Variants in NRXN3 observed in about 807,000 individuals in gnomAD.
NRXN3 encodes the protein neurexin 3.
A neutral mutation model predicts 137.6 loss-of-function variants in NRXN3; 32 were observed. The ratio of observed to expected loss-of-function variants is 0.23; its 90% CI spans 0.18 to 0.31. The LOEUF is 0.31. NRXN3 is among the 10% of genes least tolerant of loss of function. The probability of loss-of-function intolerance (pLI) is 1.00; values close to 1 mark genes in which losing one functional copy is unlikely to be tolerated. For synonymous variants in NRXN3, 798 were observed against 784.5 expected (o/e 1.02, Z -0.29); for missense variants, 1,574 against 2,062.5 (o/e 0.76, Z 4.59).
intron 16 of NRXN3, among the ~76,000 whole-genome samples, chr14:79,472,004 C>T (rs1379036793): frequency 6.6e-6 from 1 of 152,128 alleles, no homozygotes; most frequent in Non-Finnish European, 1.5e-5. Flanking sequence ...ACCCTCCACC[C>T]TCCCAAAGGC....
At chr14:79,731,636 CTTCCTTCTT>C (rs1433045349) in intron 19 of NRXN3, among the ~76,000 whole-genome samples, 1 of 146,014 alleles carries the variant, frequency 6.8e-6, no homozygotes, top group Non-Finnish European at 1.5e-5. Flanking sequence ...TATTTTTTCC[CTTCCTTCTT>C]TTTTTTTTTT....
intron 15 of NRXN3, among the ~76,000 whole-genome samples, chr14:79,058,154 A>T (rs940593177): frequency 3.9e-5 from 6 of 152,178 alleles, no homozygotes; most frequent in East Asian, 1.9e-4. Flanking sequence ...GGAAAAAAAA[A>T]GTTTGGAGGA....
At chr14:79,365,740 A>AG (rs1235922090) in intron 15 of NRXN3, among the ~76,000 whole-genome samples, 2 of 143,942 alleles carry the variant, frequency 1.4e-5, no homozygotes, top group Admixed American at 7.0e-5. Flanking sequence ...AAAAAAAAAA[A>AG]AAAAGAAAAA....
At chr14:79,777,932 A>T (rs1251846249) in intron 19 of NRXN3, among the ~76,000 whole-genome samples, 3 of 144,034 alleles carry the variant, frequency 2.1e-5, no homozygotes, top group Non-Finnish European at 4.6e-5. Flanking sequence ...GATTTTACAG[A>T]AAAAAAAAAA....
chr14:79,573,735 A>G (rs1055836559), intron 16 of NRXN3, among the ~76,000 whole-genome samples: 4 of 151,910 alleles, frequency 2.6e-5, no homozygotes, highest in African/African-American at 9.7e-5. Context: ...ATAATAATGA[A>G]GTTGTCTTGG....
At position 78,332,654 on chromosome 14, in the gene NRXN3, A is replaced by G. The variant is rs1425321485; in HGVS notation, c.757+34794A>G. 2.6e-5 allele frequency among the ~76,000 whole-genome samples: 4 copies of G among 152,064 alleles called. No homozygotes were observed. In the South Asian group the frequency reaches 6.2e-4, roughly 24 times the overall value. On this transcript the variant is annotated intron_variant, in intron 4 of 20. Coordinates refer to ENST00000335750, the MANE Select transcript of NRXN3 (RefSeq NM_001330195.2). The stretch of plus-strand genomic sequence containing the variant: ...TAGAGCTGTCACACTGCCCCCTTCC[A>G]TGGAACTGGCTGATAAAGGCTTTAA...
chr14:79,663,962 C>T lies in NRXN3; in HGVS notation c.3616+13C>T, dbSNP rs371531864. ...CATTATCCTACAGGTACATGTTGTT[C>T]GCTCAATGGTCCTACTCTTTTTGAC... On this transcript the variant is annotated intron_variant, in intron 17 of 20. Transcript: ENST00000335750. The T allele has an allele frequency of 3.9e-5, 63 of 1,612,594 alleles. No individual in the cohort carries two copies. The African/African-American group carries it at 5.3e-4, about 14-fold the overall frequency.
chr14:78,894,763 T>G lies in NRXN3; in HGVS notation c.2276-62479T>G, dbSNP rs561583361. ...AGACTTGAAAGTTGAAATTATTCCT[T>G]GATTCATGGGCTAGAGAATGGATGT... On this transcript the variant is annotated intron_variant, in intron 10 of 20. Transcript: ENST00000335750. 8.6e-5 allele frequency among the ~76,000 whole-genome samples: 13 copies of G among 151,936 alleles called. No individual in the cohort carries two copies. The East Asian group carries it at 2.5e-3, about 30-fold the overall frequency.
chr14:78,549,806 T>G (rs1205492051), intron 4 of NRXN3, among the ~76,000 whole-genome samples: 1 of 152,206 alleles, frequency 6.6e-6, no homozygotes, highest in Non-Finnish European at 1.5e-5. Context: ...TATGCATTCA[T>G]AGTGCATTCA....
chr14:78,651,086 A>AG, intron 5 of NRXN3, 79 bp from the exon 6 acceptor site: 1 of 1,302,572 alleles, frequency 7.7e-7, no homozygotes, highest in Non-Finnish European at 1.1e-6. Context: ...TGATGCCACA[A>AG]GTAGGGGAAG....
intron 19 of NRXN3, chr14:79,760,669 T>C (rs1206465931): frequency 6.6e-6 from 1 of 151,648 alleles, no homozygotes; most frequent in Non-Finnish European, 1.5e-5. Flanking sequence ...TGCTCAGTTC[T>C]CTTTTGTTGG....
At chr14:79,604,528 C>CCTGG (rs2097974786) in intron 16 of NRXN3, among the ~76,000 whole-genome samples, 3 of 124,582 alleles carry the variant, frequency 2.4e-5, no homozygotes, top group South Asian at 5.4e-4. Context: ...AGCCACTGCT[C>CCTGG]CCGGACTTTT....
intron 4 of NRXN3, among the ~76,000 whole-genome samples, chr14:78,583,090 A>C (rs1032883105): frequency 6.6e-6 from 1 of 152,158 alleles, no homozygotes; most frequent in Non-Finnish European, 1.5e-5. Context: ...TCACACAGGC[A>C]ATGTACTTTC....
intron 19 of NRXN3, among the ~76,000 whole-genome samples, chr14:79,799,873 G>A (rs529909067): frequency 3.7e-4 from 57 of 152,288 alleles, no homozygotes; most frequent in Admixed American, 9.2e-4. Flanking sequence ...AATTCCCAGA[G>A]CAGAGGAACT....
intron 15 of NRXN3, among the ~76,000 whole-genome samples, chr14:79,195,111 C>G (rs1046801445): frequency 2.6e-5 from 4 of 152,098 alleles, no homozygotes; most frequent in African/African-American, 9.7e-5. Context: ...AATGATGTCT[C>G]TTGTCCTGTA....
intron 17 of NRXN3, among the ~76,000 whole-genome samples, chr14:79,672,229 G>T (rs1161009289): frequency 1.3e-5 from 2 of 151,862 alleles, no homozygotes; most frequent in African/African-American, 4.8e-5. Flanking sequence ...GAAGAAGTTG[G>T]AATTTTAAAA....
At chr14:79,746,411 A>G (rs909074390) in intron 19 of NRXN3, among the ~76,000 whole-genome samples, 1 of 152,086 alleles carries the variant, frequency 6.6e-6, no homozygotes, top group Non-Finnish European at 1.5e-5. Flanking sequence ...TGGCTGTGAA[A>G]GAATTCTTTT....
At chr14:79,197,555 CTT>C (rs34453011) in intron 15 of NRXN3, among the ~76,000 whole-genome samples, 2 of 146,992 alleles carry the variant, frequency 1.4e-5, no homozygotes, top group African/African-American at 5.0e-5. Flanking sequence ...TCTGTAATTT[CTT>C]TTTTTTTTTA....
intron 19 of NRXN3, among the ~76,000 whole-genome samples, chr14:79,787,329 T>C (rs1349359114): frequency 6.6e-6 from 1 of 152,202 alleles, no homozygotes; most frequent in Admixed American, 6.5e-5. Flanking sequence ...ATATTCATTG[T>C]GGAATGATCA....
Sources: allele counts gnomAD v4.1 joint callset (sites outside exome capture counted in the v4.1 genomes callset), GRCh38; gene constraint gnomAD v4.1.1; transcripts MANE v1.5; gene names NCBI Gene and HGNC (gene_info 2026-07-23, HGNC 2026-07-21).